The following LEKR1 variants were observed in gnomAD, a reference collection of about 807,000 sequenced individuals.
LEKR1 encodes the protein protein LEKR1.
A neutral mutation model predicts 72.4 loss-of-function variants in LEKR1; 59 were observed. The ratio of observed to expected loss-of-function variants is 0.82; its 90% CI spans 0.66 to 1.01. The LOEUF is 1.01. Ranked by LOEUF, LEKR1 falls within the 50% of genes least tolerant of loss-of-function variation. The pLI is 0.00. For synonymous variants in LEKR1, 257 were observed against 263.2 expected (o/e 0.98, Z 0.23); for missense variants, 728 against 759.2 (o/e 0.96, Z 0.48).
At chr3:157,006,251 C>T (rs530274750) in intron 9 of LEKR1, among the ~76,000 whole-genome samples, 4 of 151,600 alleles carry the variant, frequency 2.6e-5, no homozygotes, top group South Asian at 2.1e-4. Context: ...ATGATCCACC[C>T]GCCTCGGCCT....
chr3:156,839,827 G>A (rs1713663935), intron 2 of LEKR1, among the ~76,000 whole-genome samples: 1 of 152,176 alleles, frequency 6.6e-6, no homozygotes, highest in East Asian at 1.9e-4. Context: ...GCAAACGTTG[G>A]AAGAAGGATT....
At chr3:156,922,843 A>G (rs1158092135) in intron 4 of LEKR1, among the ~76,000 whole-genome samples, 1 of 152,216 alleles carries the variant, frequency 6.6e-6, no homozygotes, top group East Asian at 1.9e-4. Flanking sequence ...ATCAGACCAT[A>G]TTTGAAATAT....
At chr3:156,876,006 AAAAAAAAAAAG>A (rs1718517861) in intron 3 of LEKR1, among the ~76,000 whole-genome samples, 2 of 151,636 alleles carry the variant, frequency 1.3e-5, no homozygotes, top group South Asian at 2.1e-4. Flanking sequence ...AAAAAAAAAA[AAAAAAAAAAAG>A]AAATGAGGAT....
rs535577291 is a variant in LEKR1 at position 156,875,512 on chromosome 3, A to C, written c.263+22530A>C. ...CTGCTGATTATTTCTTTTGCTGTGC[A>C]AAAGCTTTTTAGTTTAATTAAGTCC... is the stretch of plus-strand genomic sequence containing the variant. On this transcript the variant is annotated intron_variant, in intron 3 of 12. Coordinates refer to ENST00000356539, the MANE Select transcript of LEKR1 (RefSeq NM_001004316.3). Among the ~76,000 whole-genome samples, 6 of 152,180 alleles carry C rather than the reference A, an allele frequency of 3.9e-5. No homozygotes were observed. In the South Asian group the frequency reaches 1.2e-3, roughly 32 times the overall value.
chr3:156,979,462 A>C (rs1729988662), intron 7 of LEKR1, 187 bp downstream of exon 7: 1 of 264,318 alleles, frequency 3.8e-6, no homozygotes, highest in Non-Finnish European at 7.6e-6. Context: ...ACTGGCCTAG[A>C]TTATATATTG....
At chr3:157,024,960 T>C (rs1734084859) in intron 11 of LEKR1, 36 bp downstream of exon 11, 1 of 1,402,006 alleles carries the variant, frequency 7.1e-7, no homozygotes, top group Non-Finnish European at 9.9e-7. Flanking sequence ...ATTTAATAGA[T>C]TTGAAACTGC....
intron 3 of LEKR1, among the ~76,000 whole-genome samples, chr3:156,904,910 T>C (rs976805030): frequency 6.6e-6 from 1 of 152,112 alleles, no homozygotes; most frequent in African/African-American, 2.4e-5. Context: ...AAGGAAGATC[T>C]ATTATTTTAA....
chr3:156,997,984 G>A (rs1404304410), intron 9 of LEKR1, among the ~76,000 whole-genome samples: 1 of 152,232 alleles, frequency 6.6e-6, no homozygotes. Context: ...GGTAAAGACA[G>A]TCTGGCCAGC....
chr3:157,016,647 G>C (rs1242162003), intron 10 of LEKR1, among the ~76,000 whole-genome samples: 1 of 152,104 alleles, frequency 6.6e-6, no homozygotes, highest in African/African-American at 2.4e-5. Flanking sequence ...GAGGAATGTA[G>C]AAAACCAGAA....
chr3:156,970,556 C>T (rs144206950), intron 6 of LEKR1, among the ~76,000 whole-genome samples: 2 of 152,132 alleles, frequency 1.3e-5, no homozygotes, highest in East Asian at 1.9e-4. Flanking sequence ...TCAAATTGTC[C>T]GTGTTTGCAG....
intron 5 of LEKR1, among the ~76,000 whole-genome samples, chr3:156,932,765 T>G (rs1725354350): frequency 6.7e-6 from 1 of 149,738 alleles, no homozygotes; most frequent in Non-Finnish European, 1.5e-5. Flanking sequence ...GCATGGTGGC[T>G]CACGCCTGTA....
At chr3:156,894,869 T>C (rs1461238330) in intron 3 of LEKR1, among the ~76,000 whole-genome samples, 1 of 152,176 alleles carries the variant, frequency 6.6e-6, no homozygotes, top group East Asian at 1.9e-4. Context: ...GACCCTTTGC[T>C]TTCACCATAT....
intron 10 of LEKR1, among the ~76,000 whole-genome samples, chr3:157,018,140 C>T (rs185776343): frequency 1.3e-5 from 2 of 152,114 alleles, no homozygotes; most frequent in Admixed American, 6.5e-5. Flanking sequence ...AAAAACAGAG[C>T]TTACAATTAC....
chr3:156,895,920 G>A (rs746784129), intron 3 of LEKR1, among the ~76,000 whole-genome samples: 32 of 152,146 alleles, frequency 2.1e-4, no homozygotes, highest in Non-Finnish European at 4.1e-4. Flanking sequence ...TATGTTCATT[G>A]CAGCACTAGT....
chr3:156,875,620 G>A (rs1237497158), intron 3 of LEKR1, among the ~76,000 whole-genome samples: 2 of 152,124 alleles, frequency 1.3e-5, no homozygotes, highest in East Asian at 1.9e-4. Flanking sequence ...ATCTAGAAGA[G>A]TTCCAATGTT....
At chr3:156,998,167 G>C in intron 9 of LEKR1, among the ~76,000 whole-genome samples, 1 of 150,550 alleles carries the variant, frequency 6.6e-6, no homozygotes, top group Non-Finnish European at 1.5e-5. Flanking sequence ...GCCAAGGTCA[G>C]AACTCTGCCC....
intron 3 of LEKR1, among the ~76,000 whole-genome samples, chr3:156,915,378 A>G (rs1298194106): frequency 1.3e-5 from 2 of 152,104 alleles, no homozygotes; most frequent in African/African-American, 2.4e-5. Context: ...CCAAGAGTGT[A>G]TAAGCATTTC....
chr3:156,909,388 A>G (rs988151052), intron 3 of LEKR1, among the ~76,000 whole-genome samples: 62 of 152,266 alleles, frequency 4.1e-4, no homozygotes, highest in African/African-American at 1.4e-3. Flanking sequence ...CTGGTGGGTC[A>G]TGCCTGCAAT....
chr3:156,849,674 A>G (rs1368401919), intron 2 of LEKR1, among the ~76,000 whole-genome samples: 2 of 152,244 alleles, frequency 1.3e-5, no homozygotes, highest in Non-Finnish European at 1.5e-5. Flanking sequence ...TCCCTATTTA[A>G]TAAATGATGC....
Sources: gnomAD v4.1 joint callset for allele counts (sites outside exome capture counted in the v4.1 genomes callset) on GRCh38, gnomAD v4.1.1 for gene constraint, MANE v1.5 for transcripts, NCBI Gene and HGNC (gene_info 2026-07-23, HGNC 2026-07-21) for gene names.